CYP27C1: variants seen among roughly 807,000 people sequenced by gnomAD.
The protein encoded by CYP27C1 is cytochrome P450 27C1.
Under a neutral mutation model 40.6 loss-of-function variants are expected in CYP27C1, and 29 were observed. The observed-to-expected ratio is 0.71, with a 90% CI of 0.53 to 0.97. The LOEUF (loss-of-function observed/expected upper bound fraction) is 0.97. Among genes scored for constraint, CYP27C1 ranks in the 50% least tolerant of loss-of-function variants. CYP27C1 has a pLI of 0.00. For missense variants in CYP27C1, 390 were observed against 485.8 expected (o/e 0.80, Z 1.85); for synonymous variants, 198 against 186.8 (o/e 1.06, Z -0.49).
In CYP27C1 at chr2:127,193,102, C is replaced by T; in HGVS notation, c.1489G>A (p.Val497Met). 1 of 1,614,114 alleles carries T rather than the reference C, an allele frequency of 6.2e-7. No homozygotes were observed. The change falls in exon 8 of 9, where the codon GTG becomes ATG. Residue 497 changes from valine to methionine, a missense_variant. By Grantham distance (21) the Val-to-Met change is conservative. Transcript: ENST00000664447. ...TGGCCTCCACGCCCTACCTGGATCA[C>T]GACGAGGTGAATCTCCAGTTCTGCA... Reference protein sequence around the residue: ...RIAELEIHLVVIQLLQHFEIK... With the variant: ...RIAELEIHLVMIQLLQHFEIK...
intron 1 of CYP27C1, among the ~76,000 whole-genome samples, chr2:127,217,170 C>T (rs1683445981): frequency 1.3e-5 from 2 of 152,316 alleles, no homozygotes; most frequent in Middle Eastern, 3.4e-3. Context: ...GTTTTCATCA[C>T]TTTCTGGTGG....
intron 3 of CYP27C1, among the ~76,000 whole-genome samples, chr2:127,202,769 A>G (rs1443085059): frequency 6.6e-6 from 1 of 151,702 alleles, no homozygotes; most frequent in Non-Finnish European, 1.5e-5. Flanking sequence ...CATGTAAATT[A>G]GTAATTAGGA....
chr2:127,187,474 C>T (rs1029173737), intron 8 of CYP27C1, 87 bp from the exon 9 acceptor site: 10 of 1,177,952 alleles, frequency 8.5e-6, no homozygotes, highest in Middle Eastern at 2.0e-4. Context: ...CTTCCTGTGG[C>T]GGCACTGGGC....
Position 127,200,976 on chromosome 2 carries a change from AT to A in CYP27C1, c.883+145del. 1 of 835,652 alleles carries A rather than the reference AT, an allele frequency of 1.2e-6. No individual in the cohort carries two copies. Among genetic ancestry groups the A allele is most frequent in the Non-Finnish European group, 1.9e-6 (1 of 532,192 alleles). 51.8% of individuals were successfully genotyped at this position (835,652 alleles called of 1,614,324 possible). A position where few individuals can be genotyped will look rare whatever the true frequency, so the allele number is the denominator to read the frequency against. Reference sequence around the variant, plus strand: ...AGACTCCGTCTCAAAAAAAAAAAAAATCCAAAAGTTATGGGTCCAAAAACTA... The same window carrying A: ...AGACTCCGTCTCAAAAAAAAAAAAAACCAAAAGTTATGGGTCCAAAAACTA... On this transcript the variant is annotated intron_variant, in intron 4 of 8. Coordinates refer to ENST00000664447, the MANE Select transcript of CYP27C1 (RefSeq NM_001367502.1). This position sits in a 1 kb window ranked among gnomAD's most constrained non-coding sequence, Gnocchi z 4.2.
chr2:127,211,361 GTTTTTTTGTTTTTTT>G lies in CYP27C1; in HGVS notation c.283-5286_283-5272del, dbSNP rs1205313016. 8.2e-4 allele frequency among the ~76,000 whole-genome samples: 85 copies of G among 103,634 alleles called. 5 individuals are homozygous for G. The highest frequency in any genetic ancestry group is 1.7e-3 in the Admixed American group (17 of 9,874). The allele number at this position is 103,634 out of a possible 152,430, so 68.0% of individuals were successfully genotyped here. On this transcript the variant is annotated intron_variant, in intron 1 of 8. Transcript: ENST00000664447. ...ATCTCTGGGATACAGCTAAAGCAGT[GTTTTTTTGTTTTTTT>G]TTTTTTTTTTTTTTTTTTTTTTTTG...
Position 127,186,958 on chromosome 2 carries a change from C to T in CYP27C1, c.*313G>A, listed in dbSNP as rs1234238487. On this transcript the variant is annotated 3_prime_UTR_variant, in exon 9 of 9. Coordinates refer to ENST00000664447, the MANE Select transcript of CYP27C1 (RefSeq NM_001367502.1). This position sits in a 1 kb window ranked among gnomAD's most constrained non-coding sequence, Gnocchi z 4.5. ...CACCATTTCCCTGTACAAGTAAATG[C>T]ACAGGATACTGCCAGTCATTAAATA... The T allele has an allele frequency of 2.6e-5, 6 of 233,596 alleles. No homozygotes were observed. Among genetic ancestry groups the T allele is most frequent in the African/African-American group, 8.9e-5 (4 of 45,132 alleles). 14.5% of individuals were successfully genotyped at this position (233,596 alleles called of 1,614,324 possible).
chr2:127,204,034 A>G (rs1176817811), intron 2 of CYP27C1, among the ~76,000 whole-genome samples: 1 of 151,690 alleles, frequency 6.6e-6, no homozygotes, highest in Non-Finnish European at 1.5e-5. Context: ...GGAGGCCAAG[A>G]TGGGTGGATC....
At chr2:127,215,021 CG>C (rs1338548085) in intron 1 of CYP27C1, among the ~76,000 whole-genome samples, 1 of 150,442 alleles carries the variant, frequency 6.6e-6, no homozygotes, top group Non-Finnish European at 1.5e-5. Context: ...CCCAGCTACT[CG>C]GGAGGCTGAG....
chr2:127,194,371 G>T (rs1682855447), intron 6 of CYP27C1, among the ~76,000 whole-genome samples: 2 of 152,142 alleles, frequency 1.3e-5, no homozygotes, highest in South Asian at 4.1e-4. Context: ...TATATAGGTT[G>T]ACGGTCATTA....
At chr2:127,216,552 G>A (rs1325049443) in intron 1 of CYP27C1, among the ~76,000 whole-genome samples, 1 of 152,168 alleles carries the variant, frequency 6.6e-6, no homozygotes, top group East Asian at 1.9e-4. Flanking sequence ...GGGGGAATAG[G>A]AGAGTTGGGG....
At position 127,204,456 on chromosome 2, in the gene CYP27C1, GAAA is replaced by G. The variant is rs1357048695; in HGVS notation, c.474-888_474-886del. 5.8e-4 allele frequency among the ~76,000 whole-genome samples: 19 copies of G among 32,694 alleles called. 1 individual carries two copies. The Middle Eastern group carries it at 0.031, about 54-fold the overall frequency. 21.4% of individuals were successfully genotyped at this position (32,694 alleles called of 152,430 possible). A position where few individuals can be genotyped will look rare whatever the true frequency, so the allele number is the denominator to read the frequency against. On this transcript the variant is annotated intron_variant, in intron 2 of 8. Coordinates refer to ENST00000664447, the MANE Select transcript of CYP27C1 (RefSeq NM_001367502.1). ...AAAGAAAGAAAAAGAAAGAAAGAAA[GAAA>G]GAAAGAAAGAAAGAAAGAAAGAAAG...
In CYP27C1 at chr2:127,187,094, C is replaced by T; in HGVS notation, c.*177G>A. On this transcript the variant is annotated 3_prime_UTR_variant, in exon 9 of 9. Transcript: ENST00000664447. ...TGGTATGCACCAGTAAAATAGCAAC[C>T]TTTTTACATTACTTTGCATAAAGAT... 1 of 614,784 alleles carries T rather than the reference C, an allele frequency of 1.6e-6. No homozygotes were observed. Among genetic ancestry groups the T allele is most frequent in the Non-Finnish European group, 2.9e-6 (1 of 345,520 alleles). 38.1% of individuals were successfully genotyped at this position (614,784 alleles called of 1,614,324 possible). A position where few individuals can be genotyped will look rare whatever the true frequency, so the allele number is the denominator to read the frequency against.
chr2:127,211,392 T>G (rs200692893), intron 1 of CYP27C1, among the ~76,000 whole-genome samples: 39,073 of 122,134 alleles, frequency 0.32, 5,951 homozygotes, highest in East Asian at 0.6. Context: ...TTTTTTTTTT[T>G]TTTTTTTTGA....
chr2:127,210,744 C>T (rs762104444), intron 1 of CYP27C1, among the ~76,000 whole-genome samples: 6 of 149,682 alleles, frequency 4.0e-5, no homozygotes, highest in African/African-American at 9.8e-5. Context: ...GACTTTAAAC[C>T]AACAAAGATC....
Position 127,183,853 on chromosome 2 carries a change from T to C in CYP27C1, c.*3418A>G, listed in dbSNP as rs1400655187. Among the ~76,000 whole-genome samples the C allele has an allele frequency of 2.6e-5, 4 of 152,202 alleles. No homozygotes were observed. Among genetic ancestry groups the C allele is most frequent in the Non-Finnish European group, 5.9e-5 (4 of 68,050 alleles). On this transcript the variant is annotated 3_prime_UTR_variant, in exon 9 of 9. Transcript: ENST00000664447. The surrounding 1 kb of genome is among the most constrained non-coding windows in gnomAD (Gnocchi z 5.1). ...AGTCTTTTGTTTCTGAAGGCATCTT[T>C]TATTACGGAAATGTTCACACGTACA...
At chr2:127,191,379 CA>C (rs1682765915) in intron 8 of CYP27C1, among the ~76,000 whole-genome samples, 1 of 152,174 alleles carries the variant, frequency 6.6e-6, no homozygotes, top group Non-Finnish European at 1.5e-5. Flanking sequence ...TCACGAGCTC[CA>C]AATACCATTT....
chr2:127,201,425 C>T lies in CYP27C1; in HGVS notation c.674-94G>A, dbSNP rs1415394087. On this transcript the variant is annotated intron_variant, in intron 3 of 8. Transcript: ENST00000664447. The surrounding 1 kb of genome is among the most constrained non-coding windows in gnomAD (Gnocchi z 6.0). Reference sequence around the variant, plus strand: ...CATAAATGCAACTTTCAAACGTGGTCCAGGTGCCTTTCATGAATGAGGCAT... The same window carrying T: ...CATAAATGCAACTTTCAAACGTGGTTCAGGTGCCTTTCATGAATGAGGCAT... The T allele has an allele frequency of 8.2e-7, 1 of 1,217,486 alleles. No homozygotes were observed. The highest frequency in any genetic ancestry group is 1.2e-6 in the Non-Finnish European group (1 of 864,924). The allele number at this position is 1,217,486 out of a possible 1,614,324, so 75.4% of individuals were successfully genotyped here.
rs755017903 is a variant in CYP27C1, at chr2:127,195,327, C to G, written c.1214+8G>C. The stretch of plus-strand genomic sequence containing the variant: ...CAGTTTGTTGACGGATTCTGGCGAG[C>G]CTTTTACCTCAGGGTTTCCTTAAGG... On this transcript the variant is annotated splice_region_variant and intron_variant, in intron 6 of 8. Coordinates refer to ENST00000664447, the MANE Select transcript of CYP27C1 (RefSeq NM_001367502.1). This position sits in a 1 kb window ranked among gnomAD's most constrained non-coding sequence, Gnocchi z 6.2. 92 of 1,613,862 alleles carry G rather than the reference C, an allele frequency of 5.7e-5. No individual in the cohort carries two copies. The highest frequency in any genetic ancestry group is 1.7e-4 in the Middle Eastern group (1 of 6,058).
chr2:127,194,010 G>T, intron 6 of CYP27C1, 143 bp from the exon 7 acceptor site: 4 of 928,944 alleles, frequency 4.3e-6, no homozygotes, highest in East Asian at 5.4e-5. Flanking sequence ...GAAACATTTT[G>T]CAAGGACCTT....
Sources: gnomAD v4.1 joint callset for allele counts (sites outside exome capture counted in the v4.1 genomes callset) on GRCh38, gnomAD v4.1.1 for gene constraint, Gnocchi (gnomAD v3.1) non-coding constraint, MANE v1.5 for transcripts, NCBI Gene and HGNC (gene_info 2026-07-23, HGNC 2026-07-21) for gene names.